Variants in PLCL1 observed in about 807,000 individuals in gnomAD.
PLCL1 encodes the protein phospholipase C like 1 (inactive).
Under a neutral mutation model 84.4 loss-of-function variants are expected in PLCL1, and 41 were observed. The observed-to-expected ratio is 0.49, with a 90% CI of 0.38 to 0.63. The LOEUF (loss-of-function observed/expected upper bound fraction) is 0.63. Among genes scored for constraint, PLCL1 ranks in the 30% least tolerant of loss-of-function variants. The pLI, the probability that PLCL1 is intolerant of heterozygous loss-of-function variation, is 0.00. For missense variants in PLCL1, 1,206 were observed against 1,367.8 expected (o/e 0.88, Z 1.87); for synonymous variants, 490 against 488.3 (o/e 1.00, Z -0.05).
At chr2:198,042,250 C>T (rs1464538516) in intron 1 of PLCL1, among the ~76,000 whole-genome samples, 1 of 152,186 alleles carries the variant, frequency 6.6e-6, no homozygotes, top group Non-Finnish European at 1.5e-5. Context: ...GTTTCTGATA[C>T]TGCTGAACTG....
chr2:198,057,821 G>C (rs1335225117), intron 1 of PLCL1, among the ~76,000 whole-genome samples: 1 of 152,146 alleles, frequency 6.6e-6, no homozygotes, highest in East Asian at 1.9e-4. Flanking sequence ...TGAAAGACTT[G>C]AATATTTCCA....
At chr2:198,113,135 T>C (rs1251326362) in intron 5 of PLCL1, among the ~76,000 whole-genome samples, 1 of 151,920 alleles carries the variant, frequency 6.6e-6, no homozygotes, top group African/African-American at 2.4e-5. Context: ...CTAGACACAT[T>C]TGTAGAATCT....
At position 197,954,722 on chromosome 2, in the gene PLCL1, CAG is replaced by C. The variant is rs1689452938; in HGVS notation, c.241-129035_241-129034del. Among the ~76,000 whole-genome samples, 3 of 151,996 alleles carry C rather than the reference CAG, an allele frequency of 2.0e-5. No individual in the cohort carries two copies. The South Asian group carries it at 6.2e-4, about 31-fold the overall frequency. ...ATTTCACACTTAAGTTCATTAATGA[CAG>C]GGACTGTTTTTGGTATTCTGGGATA... is the stretch of plus-strand genomic sequence containing the variant. On this transcript the variant is annotated intron_variant, in intron 1 of 5. Coordinates refer to ENST00000428675, the MANE Select transcript of PLCL1 (RefSeq NM_006226.4).
chr2:198,111,844 T>A (rs1195133103), intron 5 of PLCL1, among the ~76,000 whole-genome samples: 1 of 151,858 alleles, frequency 6.6e-6, no homozygotes, highest in African/African-American at 2.4e-5. Context: ...CTGAGCACTT[T>A]CTATGTATCA....
At chr2:197,869,923 A>G (rs1687617968) in intron 1 of PLCL1, among the ~76,000 whole-genome samples, 1 of 152,136 alleles carries the variant, frequency 6.6e-6, no homozygotes, top group East Asian at 1.9e-4. Flanking sequence ...TTCTTATCTG[A>G]TTTTGTAAAA....
At position 197,992,507 on chromosome 2, in the gene PLCL1, C is replaced by T. The variant is rs2105813684; in HGVS notation, c.241-91251C>T. On this transcript the variant is annotated intron_variant, in intron 1 of 5. Coordinates refer to ENST00000428675, the MANE Select transcript of PLCL1 (RefSeq NM_006226.4). ...CTCAAACTCCTGGGCTCAACCAACC[C>T]CCCTCCTCAGCCTCCCAAAGTGTCG... Among the ~76,000 whole-genome samples, 2 of 152,098 alleles carry T rather than the reference C, an allele frequency of 1.3e-5. 1 individual carries two copies. The highest frequency in any genetic ancestry group is 4.2e-4 in the South Asian group (2 of 4,812).
At chr2:197,880,828 A>G (rs1687815318) in intron 1 of PLCL1, among the ~76,000 whole-genome samples, 2 of 152,198 alleles carry the variant, frequency 1.3e-5, no homozygotes, top group South Asian at 4.1e-4. Flanking sequence ...CCAATGCATG[A>G]CAGTTTTTGT....
chr2:197,970,720 G>C (rs1188259213), intron 1 of PLCL1, among the ~76,000 whole-genome samples: 1 of 152,174 alleles, frequency 6.6e-6, no homozygotes, highest in Non-Finnish European at 1.5e-5. Context: ...GCTTATTGAA[G>C]ACAAGAGTTG....
In PLCL1 at chr2:198,085,544, C is replaced by G; in HGVS notation, c.2027C>G (p.Pro676Arg). ...GCAATGAATTTTCAGACTCCGGGTC[C>G]AATGATGGACCTTCACACGGGCTGG... The part of the protein sequence containing the change: ...IVAMNFQTPG[P>R]MMDLHTGWFL... Residue 676 changes from proline to arginine, a missense_variant, in exon 2 of 6, where the codon CCA becomes CGA. Pro to Arg is a moderately radical substitution (Grantham distance 103). Coordinates refer to ENST00000428675, the MANE Select transcript of PLCL1 (RefSeq NM_006226.4). This position sits in a 1 kb window ranked among gnomAD's most constrained non-coding sequence, Gnocchi z 5.3. The G allele has an allele frequency of 6.2e-7, 1 of 1,613,950 alleles. No homozygotes were observed. Among genetic ancestry groups the G allele is most frequent in the Non-Finnish European group, 8.5e-7 (1 of 1,179,900 alleles).
At chr2:197,860,947 C>G (rs1687420999) in intron 1 of PLCL1, among the ~76,000 whole-genome samples, 1 of 152,172 alleles carries the variant, frequency 6.6e-6, no homozygotes, top group Non-Finnish European at 1.5e-5. Context: ...TTTGCCCGTT[C>G]CTATGTCCAG....
intron 1 of PLCL1, among the ~76,000 whole-genome samples, chr2:197,936,162 A>C (rs1403392804): frequency 7.5e-6 from 1 of 133,080 alleles, no homozygotes; most frequent in African/African-American, 2.8e-5. Context: ...TTATCCATTC[A>C]TGCATTGATG....
At chr2:197,868,445 T>C (rs1313783770) in intron 1 of PLCL1, among the ~76,000 whole-genome samples, 10 of 152,198 alleles carry the variant, frequency 6.6e-5, no homozygotes, top group Non-Finnish European at 1.5e-4. Context: ...ACTTTATCTT[T>C]ATTCACTGGA....
At chr2:198,009,187 G>A (rs1690806295) in intron 1 of PLCL1, among the ~76,000 whole-genome samples, 1 of 151,764 alleles carries the variant, frequency 6.6e-6, no homozygotes. Flanking sequence ...AAAAGTTTTT[G>A]TGTCATTCCA....
rs528493439 is a variant in PLCL1 at position 197,909,673 on chromosome 2, T to C, written c.240+104334T>C. Among the ~76,000 whole-genome samples the C allele has an allele frequency of 3.9e-5, 6 of 152,258 alleles. 1 individual carries two copies. In the South Asian group the frequency reaches 1.2e-3, roughly 32 times the overall value. On this transcript the variant is annotated intron_variant, in intron 1 of 5. Coordinates refer to ENST00000428675, the MANE Select transcript of PLCL1 (RefSeq NM_006226.4). ...CTCAGAGTTCCCTCTCTGAGGGTAT[T>C]TGGAATTTTGGATGGTGGCCTGGAA...
rs571310548 is a variant in PLCL1 at position 198,149,148 on chromosome 2, G to T, written c.*2186G>T. On this transcript the variant is annotated 3_prime_UTR_variant, in exon 6 of 6. Coordinates refer to ENST00000428675, the MANE Select transcript of PLCL1 (RefSeq NM_006226.4). ...GAAAAGTCTCCTAGTCTCCTGTGAT[G>T]TTCCTGCCTCCAGATAGAATAGCAA... The T allele has an allele frequency of 6.6e-6, 1 of 152,370 alleles. No homozygotes were observed. The highest frequency in any genetic ancestry group is 1.5e-5 in the Non-Finnish European group (1 of 68,016). The allele number at this position is 152,370 out of a possible 1,614,324, so 9.4% of individuals were successfully genotyped here.
chr2:198,055,329 C>CTCTCTCTCTCTGTGTG (rs374518934), intron 1 of PLCL1, among the ~76,000 whole-genome samples: 4 of 112,346 alleles, frequency 3.6e-5, no homozygotes, highest in African/African-American at 1.4e-4. Context: ...CTCTCTCTCT[C>CTCTCTCTCTCTGTGTG]TGTGTGTGTG....
intron 1 of PLCL1, among the ~76,000 whole-genome samples, chr2:197,818,127 A>T (rs1690729723): frequency 6.6e-6 from 1 of 152,116 alleles, no homozygotes; most frequent in Non-Finnish European, 1.5e-5. Flanking sequence ...GAGATTCTTC[A>T]TGGTGGCACC....
intron 1 of PLCL1, among the ~76,000 whole-genome samples, chr2:197,961,086 A>G (rs1401097): frequency 0.99 from 150,849 of 152,212 alleles, 74,768 homozygotes; most frequent in Middle Eastern, 1. Context: ...TCATAAATGT[A>G]TTAGCTTTAA....
rs779820043 is a variant in PLCL1, at chr2:198,101,267, A to T, written c.2920-18A>T. ...AAGGATTCTGACAACCACCTTTTTG[A>T]TGTTTATTTTGTAACAGATGATTCA... On this transcript the variant is annotated intron_variant, in intron 3 of 5. Transcript: ENST00000428675. The T allele has an allele frequency of 2.0e-6, 3 of 1,500,022 alleles. No individual in the cohort carries two copies. The highest frequency in any genetic ancestry group is 2.8e-6 in the Non-Finnish European group (3 of 1,085,222). The allele number at this position is 1,500,022 out of a possible 1,614,324, so 92.9% of individuals were successfully genotyped here.
Sources: gnomAD v4.1 joint callset for allele counts (sites outside exome capture counted in the v4.1 genomes callset) on GRCh38, gnomAD v4.1.1 for gene constraint, Gnocchi (gnomAD v3.1) non-coding constraint, MANE v1.5 for transcripts, NCBI Gene and HGNC (gene_info 2026-07-23, HGNC 2026-07-21) for gene names.